The following RELL1 variants were observed in gnomAD, a reference collection of about 807,000 sequenced individuals.
The protein encoded by RELL1 is RELT like 1, also known as RELT-like protein 1.
Under a neutral mutation model 23.0 loss-of-function variants are expected in RELL1, and 10 were observed. The ratio of observed to expected loss-of-function variants is 0.43; its 90% CI spans 0.27 to 0.74. The LOEUF is 0.74. Ranked by LOEUF, RELL1 falls within the 30% of genes least tolerant of loss-of-function variation. The probability of loss-of-function intolerance (pLI) is 0.19; values close to 1 mark genes in which losing one functional copy is unlikely to be tolerated. For synonymous variants in RELL1, 146 were observed against 146.8 expected, an observed-to-expected ratio of 0.99 and a Z score of 0.04; for missense variants, 315 against 364.4, an observed-to-expected ratio of 0.86 and a Z score of 1.10.
chr4:37,593,708 C>T (rs183568305), intron 6 of RELL1, among the ~76,000 whole-genome samples: 114 of 152,226 alleles, frequency 7.5e-4, no homozygotes, highest in African/African-American at 2.6e-3. Context: ...AGTTTCGAGG[C>T]GGTCAGTTTA....
chr4:37,648,437 C>T (rs898914646), intron 2 of RELL1, among the ~76,000 whole-genome samples: 1 of 152,210 alleles, frequency 6.6e-6, no homozygotes, highest in Non-Finnish European at 1.5e-5. Context: ...GCCTGAAGGG[C>T]GACCTACTCC....
At chr4:37,603,267 C>A (rs548521913) in intron 6 of RELL1, among the ~76,000 whole-genome samples, 1 of 152,304 alleles carries the variant, frequency 6.6e-6, no homozygotes, top group African/African-American at 2.4e-5. Context: ...CCACACCACC[C>A]CCTGGCCACG....
intron 1 of RELL1, among the ~76,000 whole-genome samples, chr4:37,668,272 G>C (rs976349081): frequency 1.5e-5 from 2 of 137,108 alleles, no homozygotes; most frequent in Admixed American, 7.7e-5. Context: ...CCGAGCCGAA[G>C]CTGGACTGTA....
chr4:37,686,247 G>A lies in RELL1; in HGVS notation c.41C>T (p.Ala14Val), dbSNP rs1364133737. ...CACGGCGCCTCCCACGAAGACAGCAGCGGCTAGGACGGCGGACCCCGGGAG... is the reference window on the plus strand; with the variant it reads ...CACGGCGCCTCCCACGAAGACAGCAACGGCTAGGACGGCGGACCCCGGGAG... ...RALPGSAVLA[A>V]AVFVGGAVSS... The change falls in exon 1 of 7, where the codon GCT becomes GTT. Residue 14 changes from alanine to valine, a missense_variant. Transcript: ENST00000454158. The A allele has an allele frequency of 3.8e-6, 6 of 1,578,946 alleles. No homozygotes were observed. Among genetic ancestry groups the A allele is most frequent in the Middle Eastern group, 1.7e-4 (1 of 5,986 alleles).
rs1283960833 is a variant in RELL1, at chr4:37,601,106, T to G, written c.*4-9889A>C. Among the ~76,000 whole-genome samples, 7 of 152,158 alleles carry G rather than the reference T, an allele frequency of 4.6e-5. No individual in the cohort carries two copies. In the East Asian group the frequency reaches 1.3e-3, roughly 29 times the overall value. On this transcript the variant is annotated intron_variant, in intron 6 of 6. Coordinates refer to the RELL1 transcript ENST00000314117. ...TTCAACATCAGTCAAGGCAAGAAAG[T>G]CATTCTTTCCAATAAGGCAGTTGAC...
intron 6 of RELL1, among the ~76,000 whole-genome samples, chr4:37,614,688 G>GA (rs1719516744): frequency 6.6e-6 from 1 of 151,008 alleles, no homozygotes; most frequent in South Asian, 2.1e-4. Context: ...AAAAAAAAAG[G>GA]AAAAAATGAG....
Position 37,648,171 on chromosome 4 carries a change from C to A in RELL1, c.314-732G>T, listed in dbSNP as rs569119534. ...CCATCCAAAGGTCAGCTTTCCTCCA[C>A]GTGAACATGCATGTTTGGTTAGACA... On this transcript the variant is annotated intron_variant, in intron 2 of 6. Transcript: ENST00000454158. 5.9e-5 allele frequency among the ~76,000 whole-genome samples: 9 copies of A among 152,336 alleles called. No individual in the cohort carries two copies. The South Asian group carries it at 1.0e-3, about 18-fold the overall frequency.
chr4:37,624,422 T>C (rs60387549), intron 6 of RELL1, among the ~76,000 whole-genome samples: 8,564 of 143,410 alleles, frequency 0.06, 283 homozygotes, highest in Non-Finnish European at 0.083. Flanking sequence ...TTCTTTCTTT[T>C]TTTTTTTTTT....
chr4:37,633,646 T>C (rs1389654768), intron 5 of RELL1, among the ~76,000 whole-genome samples: 1 of 152,182 alleles, frequency 6.6e-6, no homozygotes, highest in Non-Finnish European at 1.5e-5. Context: ...TTCTCCATGA[T>C]GCTTGTGCAA....
chr4:37,677,910 T>A lies in RELL1; in HGVS notation c.88+8290A>T, dbSNP rs376423969. 4.0e-5 allele frequency among the ~76,000 whole-genome samples: 6 copies of A among 151,224 alleles called. No individual in the cohort carries two copies. In the East Asian group the frequency reaches 9.8e-4, roughly 25 times the overall value. ...TCACTTGAACCCAGGAGGCAGAGGT[T>A]GCAGTGAGCCGAGATCACACCATTG... On this transcript the variant is annotated intron_variant, in intron 1 of 6. Transcript: ENST00000454158.
At position 37,612,176 on chromosome 4, in the gene RELL1, C is replaced by CAAAAA. The variant is rs36064800; in HGVS notation, c.*1165_*1169dup. ...TGGGCGACAGAGCGAGACTCCGCCT[C>CAAAAA]AAAAAAAAAAAAAAAAAAAAAAAAA... On this transcript the variant is annotated 3_prime_UTR_variant, in exon 7 of 7. Coordinates refer to ENST00000454158, the MANE Select transcript of RELL1 (RefSeq NM_001085400.2). Among the ~76,000 whole-genome samples, 3 of 53,784 alleles carry CAAAAA rather than the reference C, an allele frequency of 5.6e-5. No individual in the cohort carries two copies. Among genetic ancestry groups the CAAAAA allele is most frequent in the Admixed American group, 2.4e-4 (1 of 4,124 alleles). The allele number at this position is 53,784 out of a possible 152,430, so 35.3% of individuals were successfully genotyped here.
intron 6 of RELL1, chr4:37,591,817 T>C (rs1718620891): frequency 6.6e-6 from 1 of 152,208 alleles, no homozygotes; most frequent in African/African-American, 2.4e-5. Flanking sequence ...CCAATTAAAA[T>C]ATAACAACGT....
intron 1 of RELL1, among the ~76,000 whole-genome samples, chr4:37,681,536 T>G (rs1400667046): frequency 2.1e-5 from 3 of 142,158 alleles, no homozygotes; most frequent in Non-Finnish European, 4.6e-5. Flanking sequence ...TTTTTTTTTT[T>G]TTTTTTTTTT....
chr4:37,650,923 G>C (rs1185441939), intron 1 of RELL1, among the ~76,000 whole-genome samples: 1 of 151,992 alleles, frequency 6.6e-6, no homozygotes, highest in Non-Finnish European at 1.5e-5. Context: ...GCTGGGCATT[G>C]TGGTACACAA....
intron 6 of RELL1, chr4:37,623,462 C>T (rs1346382525): frequency 6.5e-6 from 1 of 152,950 alleles, no homozygotes; most frequent in Non-Finnish European, 1.5e-5. Context: ...AGCCCTCTCA[C>T]TACCTAGCCC....
At chr4:37,642,020 G>A (rs747672301) in intron 3 of RELL1, among the ~76,000 whole-genome samples, 1 of 152,182 alleles carries the variant, frequency 6.6e-6, no homozygotes, top group African/African-American at 2.4e-5. Flanking sequence ...ACCCTGGTCT[G>A]TCTGACTCCA....
Position 37,686,322 on chromosome 4 carries a change from C to A in RELL1, c.-35G>T. ...GCTTCGCCCTCCTCCCCCAGGGCGC[C>A]GCGTCCCGCGCTCGGGAAGGCAGAG... On this transcript the variant is annotated 5_prime_UTR_variant, in exon 1 of 7. Transcript: ENST00000454158. 1 of 1,444,978 alleles carries A rather than the reference C, an allele frequency of 6.9e-7. No individual in the cohort carries two copies. The allele number at this position is 1,444,978 out of a possible 1,614,324, so 89.5% of individuals were successfully genotyped here.
chr4:37,679,880 A>G (rs766462291), intron 1 of RELL1, among the ~76,000 whole-genome samples: 63 of 151,396 alleles, frequency 4.2e-4, no homozygotes, highest in Non-Finnish European at 8.6e-4. Flanking sequence ...TGAACCCGGG[A>G]GGCGGAGCTT....
At chr4:37,593,203 A>G (rs1164986325) in intron 6 of RELL1, among the ~76,000 whole-genome samples, 2 of 152,224 alleles carry the variant, frequency 1.3e-5, no homozygotes, top group Non-Finnish European at 2.9e-5. Flanking sequence ...TCCTAAGTGT[A>G]TCAGTTGAGA....
Sources: allele counts gnomAD v4.1 joint callset (sites outside exome capture counted in the v4.1 genomes callset), GRCh38; gene constraint gnomAD v4.1.1; transcripts MANE v1.5; gene names NCBI Gene and HGNC (gene_info 2026-07-23, HGNC 2026-07-21).